Variants in FIGLA observed in about 807,000 individuals in gnomAD.
FIGLA encodes factor in the germline alpha.
A neutral mutation model predicts 21.5 loss-of-function variants in FIGLA; 17 were observed. That is an observed-to-expected ratio of 0.79 (90% CI 0.54 to 1.19). The LOEUF (loss-of-function observed/expected upper bound fraction) is 1.19. Among genes scored for constraint, FIGLA ranks in the 50% most tolerant of loss-of-function variants. The pLI is 0.00. For missense variants in FIGLA, 282 were observed against 285.0 expected (o/e 0.99, Z 0.08); for synonymous variants, 129 against 117.6 (o/e 1.10, Z -0.63).
At chr2:70,779,662 T>C (rs1428250410) in intron 3 of FIGLA, among the ~76,000 whole-genome samples, 8 of 152,154 alleles carry the variant, frequency 5.3e-5, no homozygotes, top group Admixed American at 5.2e-4. Context: ...TGCCAGAGTT[T>C]GGAAATATAT....
At chr2:70,788,561 C>A (rs1419612113) in intron 1 of FIGLA, among the ~76,000 whole-genome samples, 1 of 152,206 alleles carries the variant, frequency 6.6e-6, no homozygotes, top group Non-Finnish European at 1.5e-5. Flanking sequence ...AACTGGCTCC[C>A]ACTATGCCAC....
intron 3 of FIGLA, among the ~76,000 whole-genome samples, chr2:70,778,330 A>T (rs537836162): frequency 6.6e-6 from 1 of 152,328 alleles, no homozygotes; most frequent in Admixed American, 6.5e-5. Flanking sequence ...TGTGAAAATT[A>T]AATAGGTTAA....
intron 3 of FIGLA, among the ~76,000 whole-genome samples, chr2:70,784,522 G>A (rs1675910878): frequency 6.6e-6 from 1 of 152,140 alleles, no homozygotes; most frequent in South Asian, 2.1e-4. Flanking sequence ...GAGGCATTTA[G>A]TAGCTCATGC....
chr2:70,781,099 C>G (rs149421912), intron 3 of FIGLA, among the ~76,000 whole-genome samples: 1 of 152,090 alleles, frequency 6.6e-6, no homozygotes, highest in African/African-American at 2.4e-5. Flanking sequence ...GGTGATTTAG[C>G]GAGAGCAGGG....
intron 2 of FIGLA, among the ~76,000 whole-genome samples, chr2:70,787,194 C>G (rs1336729494): frequency 6.6e-5 from 10 of 152,182 alleles, no homozygotes; most frequent in Admixed American, 6.5e-4. Flanking sequence ...CTTCAGTTGG[C>G]CTTAGGGAGG....
rs979633602 is a variant in FIGLA at position 70,787,589 on chromosome 2, G to A, written c.384+60C>T. 2.3e-5 allele frequency: 34 copies of A among 1,468,808 alleles called. No individual in the cohort carries two copies. In the Admixed American group the frequency reaches 2.4e-4, roughly 10 times the overall value. 91.0% of individuals were successfully genotyped at this position (1,468,808 alleles called of 1,614,324 possible). On this transcript the variant is annotated intron_variant, in intron 2 of 4. Coordinates refer to ENST00000332372, the MANE Select transcript of FIGLA (RefSeq NM_001004311.3). ...CATATATCACTTGGCACAGTGTCTC[G>A]TACATAGAAAAGGCCTAATAAATGG...
At chr2:70,786,405 G>A (rs34749626) in intron 2 of FIGLA, among the ~76,000 whole-genome samples, 34,430 of 151,748 alleles carry the variant, frequency 0.23, 5,276 homozygotes, top group East Asian at 0.62. Flanking sequence ...CCAGGTTCAC[G>A]CCATCCTCCT....
chr2:70,787,190 T>C (rs10184254), intron 2 of FIGLA, among the ~76,000 whole-genome samples: 81,780 of 152,070 alleles, frequency 0.54, 23,097 homozygotes, highest in East Asian at 0.74. Context: ...AGCTCTTCAG[T>C]TGGCCTTAGG....
intron 3 of FIGLA, 82 bp from the exon 4 acceptor site, chr2:70,777,753 T>C (rs1675786112): frequency 1.5e-6 from 1 of 686,224 alleles, no homozygotes; most frequent in Non-Finnish European, 2.5e-6. Context: ...ACTGAGAACA[T>C]AGTGGCCAAC....
Position 70,787,680 on chromosome 2 carries a change from C to T in FIGLA, c.353G>A (p.Ser118Asn). 1 of 1,586,358 alleles carries T rather than the reference C, an allele frequency of 6.3e-7. No individual in the cohort carries two copies. The change falls in exon 2 of 5, where the codon AGT becomes AAT. Residue 118 changes from serine (S) to asparagine (N), a missense_variant. Transcript: ENST00000332372. ...KGATEYIQVL[S>N]DLLEGAKDSK... Reference sequence around the variant, plus strand: ...GTCTTTGGCTCCTTCCAAAAGATCACTGAGAACCTGTATATATTCAGTCGC... The same window carrying T: ...GTCTTTGGCTCCTTCCAAAAGATCATTGAGAACCTGTATATATTCAGTCGC...
rs924532626 is a variant in FIGLA at position 70,777,729 on chromosome 2, T to C, written c.610-58A>G. The C allele has an allele frequency of 4.7e-5, 42 of 898,366 alleles. No homozygotes were observed. Among genetic ancestry groups the C allele is most frequent in the Non-Finnish European group, 6.8e-5 (39 of 575,576 alleles). The allele number at this position is 898,366 out of a possible 1,614,324, so 55.6% of individuals were successfully genotyped here. On this transcript the variant is annotated intron_variant, in intron 3 of 4. Transcript: ENST00000332372. ...AAACACATCGGTTATTTGTCACGTT[T>C]AAGAGAACAAAAAACTGAGAACATA...
At chr2:70,784,471 AATT>A (rs1357716261) in intron 3 of FIGLA, among the ~76,000 whole-genome samples, 6 of 152,206 alleles carry the variant, frequency 3.9e-5, no homozygotes, top group African/African-American at 1.4e-4. Flanking sequence ...AGGTAGGTAC[AATT>A]ATTATACCCA....
At chr2:70,779,395 C>T (rs1553388809) in intron 3 of FIGLA, among the ~76,000 whole-genome samples, 1 of 152,152 alleles carries the variant, frequency 6.6e-6, no homozygotes, top group Non-Finnish European at 1.5e-5. Context: ...GAAGTTTTAC[C>T]ATCGTATAGA....
At chr2:70,783,800 C>T (rs1298794336) in intron 3 of FIGLA, among the ~76,000 whole-genome samples, 4 of 151,454 alleles carry the variant, frequency 2.6e-5, no homozygotes, top group African/African-American at 9.7e-5. Context: ...CAGGTTCAAG[C>T]GATTCTCCTG....
intron 3 of FIGLA, among the ~76,000 whole-genome samples, chr2:70,780,259 C>T (rs1167036891): frequency 1.3e-5 from 2 of 152,176 alleles, no homozygotes; most frequent in Non-Finnish European, 2.9e-5. Context: ...ACGCCCATCC[C>T]TGCCACTACC....
chr2:70,786,006 A>G (rs898929828), intron 2 of FIGLA, among the ~76,000 whole-genome samples: 6 of 152,182 alleles, frequency 3.9e-5, no homozygotes, highest in African/African-American at 1.4e-4. Flanking sequence ...CAACAGGACA[A>G]TTCACTCCTG....
intron 3 of FIGLA, among the ~76,000 whole-genome samples, chr2:70,778,215 C>T (rs569187069): frequency 6.6e-6 from 1 of 152,202 alleles, no homozygotes; most frequent in Non-Finnish European, 1.5e-5. Flanking sequence ...ACATCCCCCC[C>T]AACCCCAACA....
intron 1 of FIGLA, among the ~76,000 whole-genome samples, chr2:70,788,941 C>T (rs782281529): frequency 2.6e-5 from 4 of 152,116 alleles, no homozygotes; most frequent in Non-Finnish European, 5.9e-5. Flanking sequence ...AATTATCAGA[C>T]ACGCACATAG....
intron 1 of FIGLA, 33 bp from the exon 2 acceptor site, chr2:70,787,834 G>C: frequency 6.2e-7 from 1 of 1,604,404 alleles, no homozygotes; most frequent in Non-Finnish European, 8.5e-7. Context: ...AACACACAGA[G>C]AAGCCAATTT....
Sources: allele counts gnomAD v4.1 joint callset (sites outside exome capture counted in the v4.1 genomes callset), GRCh38; gene constraint gnomAD v4.1.1; transcripts MANE v1.5; gene names NCBI Gene and HGNC (gene_info 2026-07-23, HGNC 2026-07-21).